The following EHMT1 variants were observed in gnomAD, a reference collection of about 807,000 sequenced individuals.
The protein encoded by EHMT1 is histone-lysine N-methyltransferase EHMT1.
In EHMT1, 15 loss-of-function variants were observed where a neutral mutation model predicts 147.2. The ratio of observed to expected loss-of-function variants is 0.10; its 90% confidence interval spans 0.07 to 0.16. The LOEUF is 0.16. Ranked by LOEUF, EHMT1 falls within the 10% of genes least tolerant of loss-of-function variation. The pLI is 1.00. For missense variants in EHMT1, 1,587 were observed against 1,772.4 expected (o/e 0.90, Z 1.88); for synonymous variants, 795 against 709.6 (o/e 1.12, Z -1.91).
At chr9:137,737,251 C>G (rs893930081) in intron 4 of EHMT1, among the ~76,000 whole-genome samples, 1 of 152,130 alleles carries the variant, frequency 6.6e-6, no homozygotes, top group Admixed American at 6.5e-5. Context: ...GACAGAGATT[C>G]AAAACTTACT....
chr9:137,683,885 C>T (rs575816896), intron 1 of EHMT1, among the ~76,000 whole-genome samples: 4 of 152,092 alleles, frequency 2.6e-5, no homozygotes, highest in South Asian at 2.1e-4. Context: ...TCTCCACCCC[C>T]GCAGCTTGTA....
At chr9:137,701,625 A>ATT (rs139537570) in intron 1 of EHMT1, among the ~76,000 whole-genome samples, 5 of 115,660 alleles carry the variant, frequency 4.3e-5, no homozygotes, top group African/African-American at 1.1e-4. Context: ...TGCCTGGCTA[A>ATT]TTTTTTTTTT....
At chr9:137,737,382 A>G (rs1014581434) in intron 4 of EHMT1, among the ~76,000 whole-genome samples, 4 of 152,192 alleles carry the variant, frequency 2.6e-5, no homozygotes, top group Admixed American at 6.5e-5. Context: ...GATTTTTGAC[A>G]AGAGTGCCAA....
intron 10 of EHMT1, among the ~76,000 whole-genome samples, chr9:137,769,478 T>C (rs972411794): frequency 6.6e-6 from 1 of 152,244 alleles, no homozygotes; most frequent in Admixed American, 6.5e-5. Context: ...TTGTCTTAAT[T>C]TTTCAAAGAT....
intron 1 of EHMT1, among the ~76,000 whole-genome samples, chr9:137,635,630 C>A (rs887009018): frequency 6.6e-5 from 10 of 151,232 alleles, no homozygotes; most frequent in African/African-American, 2.4e-4. Flanking sequence ...ACCATCCTGG[C>A]TAACATGGTG....
chr9:137,659,996 C>T (rs1382601446), intron 1 of EHMT1, among the ~76,000 whole-genome samples: 2 of 151,868 alleles, frequency 1.3e-5, no homozygotes, highest in African/African-American at 4.8e-5. Context: ...TGTGATTGAC[C>T]TTTTTCTTTT....
chr9:137,652,118 T>C (rs1937904995), intron 1 of EHMT1, among the ~76,000 whole-genome samples: 1 of 152,196 alleles, frequency 6.6e-6, no homozygotes, highest in South Asian at 2.1e-4. Flanking sequence ...TAGAAGACAC[T>C]GTTACCATAG....
Position 137,813,139 on chromosome 9 carries a change from G to A in EHMT1, c.3001G>A (p.Asp1001Asn), listed in dbSNP as rs745574375. Residue 1001 changes from aspartate (D) to asparagine (N), a missense_variant, in exon 20 of 27, where the codon GAC becomes AAC. Physicochemically the swap from Asp to Asn is conservative, Grantham distance 23. Around this residue, in one of 7 missense-constraint regions of EHMT1, gnomAD observed 78 missense variants for 68.9 expected, o/e 1.13. Transcript: ENST00000460843. The surrounding 1 kb of genome is among the most constrained non-coding windows in gnomAD (Gnocchi z 4.9). ...MSKALQDSAP[D>N]RPSPVERIVS... ...CAAGGCTCTGCAGGACTCGGCCCCCGACAGGCCCAGCCCCGTGGAGAGGAT... is the reference window on the plus strand; with the variant it reads ...CAAGGCTCTGCAGGACTCGGCCCCCAACAGGCCCAGCCCCGTGGAGAGGAT... 50 of 1,611,606 alleles carry A rather than the reference G, an allele frequency of 3.1e-5. No individual in the cohort carries two copies. The highest frequency in any genetic ancestry group is 6.7e-5 in the African/African-American group (5 of 74,924).
At chr9:137,762,571 T>C (rs575317055) in intron 9 of EHMT1, 104 bp from the exon 10 acceptor site, 1 of 1,579,146 alleles carries the variant, frequency 6.3e-7, no homozygotes, top group East Asian at 2.3e-5. Context: ...ATTGCTTTCA[T>C]TTCCTGGCGT....
chr9:137,636,096 AT>A (rs748539502), intron 1 of EHMT1, among the ~76,000 whole-genome samples: 2 of 151,508 alleles, frequency 1.3e-5, no homozygotes, highest in Middle Eastern at 3.4e-3. Context: ...TAATTTTTGT[AT>A]TTTTAGTAGA....
In EHMT1 at chr9:137,776,201, A is replaced by G. The variant is rs918308725; in HGVS notation, c.1792-417A>G. On this transcript the variant is annotated intron_variant, in intron 11 of 26. Transcript: ENST00000460843. The surrounding 1 kb of genome is among the most constrained non-coding windows in gnomAD (Gnocchi z 4.4). ...TCCTCGAGGCTCACCTGGGTCGCCA[A>G]ACCACATCTGCTGCGCACTGCTGGG... Among the ~76,000 whole-genome samples, 1 of 152,166 alleles carries G rather than the reference A, an allele frequency of 6.6e-6. No individual in the cohort carries two copies. The highest frequency in any genetic ancestry group is 2.1e-4 in the South Asian group (1 of 4,834).
At chr9:137,728,253 G>C in intron 3 of EHMT1, 96 bp from the exon 4 acceptor site, 1 of 1,529,236 alleles carries the variant, frequency 6.5e-7, no homozygotes, top group African/African-American at 1.4e-5. Context: ...CGGTTGTGGG[G>C]AATTATCGGG....
chr9:137,813,081 C>G lies in EHMT1; in HGVS notation c.2943C>G (p.Leu981=). Reference sequence around the variant, plus strand: ...AGACGCCCCTGCAGTGTGCGAGCCTCAACTCTCAGGTGTGGAGCGCTCTGC... The same window carrying G: ...AGACGCCCCTGCAGTGTGCGAGCCTGAACTCTCAGGTGTGGAGCGCTCTGC... ...EGETPLQCAS[L]NSQVWSALQM... The change falls in exon 20 of 27, where the codon CTC becomes CTG. Residue 981 remains leucine, a synonymous_variant. Transcript: ENST00000460843. The surrounding 1 kb of genome is among the most constrained non-coding windows in gnomAD (Gnocchi z 4.9). 6.2e-7 allele frequency: 1 copy of G among 1,613,828 alleles called. No homozygotes were observed. Among genetic ancestry groups the G allele is most frequent in the Non-Finnish European group, 8.5e-7 (1 of 1,180,032 alleles).
At chr9:137,682,745 T>C (rs1313515631) in intron 1 of EHMT1, among the ~76,000 whole-genome samples, 1 of 152,232 alleles carries the variant, frequency 6.6e-6, no homozygotes, top group Non-Finnish European at 1.5e-5. Flanking sequence ...CCCCTGAGGA[T>C]GACGGCTGCT....
At chr9:137,827,413 T>A (rs966114464) in intron 25 of EHMT1, among the ~76,000 whole-genome samples, 5 of 152,168 alleles carry the variant, frequency 3.3e-5, no homozygotes, top group African/African-American at 1.2e-4. Context: ...CAAAGCCTCC[T>A]AGGTGTCTGC....
At chr9:137,679,701 G>A (rs1171202330) in intron 1 of EHMT1, among the ~76,000 whole-genome samples, 1 of 152,130 alleles carries the variant, frequency 6.6e-6, no homozygotes, top group Non-Finnish European at 1.5e-5. Context: ...AGTAAGTAAA[G>A]CTATTGTACT....
chr9:137,785,498 G>A (rs540271866), intron 15 of EHMT1: 7 of 152,782 alleles, frequency 4.6e-5, no homozygotes, highest in Non-Finnish European at 7.3e-5. Context: ...GCTGGCTGTG[G>A]AGGCTTCTTG....
intron 9 of EHMT1, 85 bp downstream of exon 9, chr9:137,758,096 C>T: frequency 1.3e-6 from 2 of 1,565,988 alleles, no homozygotes; most frequent in Non-Finnish European, 1.8e-6. Flanking sequence ...CATGATGCCC[C>T]TTGGTGGACA....
At position 137,717,672 on chromosome 9, in the gene EHMT1, G is replaced by A. The variant is rs192350879; in HGVS notation, c.642+490G>A. ...TGCGTGAGTGACAAAGCGGAGTGATGCCAGGTGACGCCTCGCTTCCTTCTT... is the reference window on the plus strand; with the variant it reads ...TGCGTGAGTGACAAAGCGGAGTGATACCAGGTGACGCCTCGCTTCCTTCTT... On this transcript the variant is annotated intron_variant, in intron 3 of 26. Transcript: ENST00000460843. Among the ~76,000 whole-genome samples the A allele has an allele frequency of 2.0e-5, 3 of 151,484 alleles. No homozygotes were observed. The East Asian group carries it at 5.8e-4, about 29-fold the overall frequency.
Sources: gnomAD v4.1 joint callset for allele counts (sites outside exome capture counted in the v4.1 genomes callset) on GRCh38, gnomAD v4.1.1 for gene constraint, gnomAD v4.1.1 regional missense constraint, Gnocchi (gnomAD v3.1) non-coding constraint, MANE v1.5 for transcripts, NCBI Gene and HGNC (gene_info 2026-07-23, HGNC 2026-07-21) for gene names.